INPP5D: variants seen among roughly 807,000 people sequenced by gnomAD.
INPP5D encodes the protein phosphatidylinositol 3,4,5-trisphosphate 5-phosphatase 1.
A neutral mutation model predicts 122.9 loss-of-function variants in INPP5D; 33 were observed. The observed-to-expected ratio is 0.27, with a 90% CI of 0.20 to 0.36. The LOEUF (loss-of-function observed/expected upper bound fraction) is 0.36. Among genes scored for constraint, INPP5D ranks in the 10% least tolerant of loss-of-function variants. The pLI is 1.00. For synonymous variants in INPP5D, 584 were observed against 576.2 expected (o/e 1.01, Z -0.19); for missense variants, 1,053 against 1,412.7 (o/e 0.75, Z 4.08).
At chr2:233,167,849 C>T (rs1323646822) in intron 13 of INPP5D, among the ~76,000 whole-genome samples, 12 of 151,680 alleles carry the variant, frequency 7.9e-5, no homozygotes, top group Admixed American at 7.9e-4. Flanking sequence ...TACTAAAATA[C>T]AAAAAATTAG....
chr2:233,143,041 C>A (rs966924031), intron 6 of INPP5D, among the ~76,000 whole-genome samples: 1 of 152,178 alleles, frequency 6.6e-6, no homozygotes, highest in Non-Finnish European at 1.5e-5. Flanking sequence ...GGCTAGCCCC[C>A]AATTCACATC....
rs1179364313 is a variant in INPP5D at position 233,130,535 on chromosome 2, C to G, written c.552C>G (p.Ile184Met). Residue 184 changes from isoleucine to methionine, a missense_variant, in exon 5 of 27, where the codon ATC becomes ATG. Transcript: ENST00000445964. The stretch of plus-strand genomic sequence containing the variant: ...TTCCAGAAGAGCATCTTAAGGCCAT[C>G]CAAGATTATTTAAGCACTCAGCTCG... The part of the protein sequence containing the change: ...SGLPEEHLKA[I>M]QDYLSTQLAQ... 3 of 1,613,856 alleles carry G rather than the reference C, an allele frequency of 1.9e-6. No individual in the cohort carries two copies. Among genetic ancestry groups the G allele is most frequent in the Non-Finnish European group, 2.5e-6 (3 of 1,179,908 alleles).
intron 11 of INPP5D, 84 bp from the exon 12 acceptor site, chr2:233,163,623 A>T: frequency 1.3e-6 from 2 of 1,594,304 alleles, no homozygotes; most frequent in South Asian, 2.3e-5. Context: ...CCTCCCTCAC[A>T]CTCCCGCCCT....
intron 9 of INPP5D, among the ~76,000 whole-genome samples, chr2:233,148,639 C>T (rs1026200357): frequency 3.3e-5 from 5 of 152,260 alleles, no homozygotes; most frequent in Admixed American, 6.5e-5. Context: ...AGAGGGCTGA[C>T]GAAAGCATGA....
At chr2:233,143,982 G>T (rs1240938272) in intron 6 of INPP5D, among the ~76,000 whole-genome samples, 1 of 144,262 alleles carries the variant, frequency 6.9e-6, no homozygotes, top group Non-Finnish European at 1.5e-5. Flanking sequence ...TGGTGGTAGT[G>T]ATGGTGATGG....
intron 18 of INPP5D, among the ~76,000 whole-genome samples, chr2:233,180,831 G>A (rs1441878296): frequency 2.0e-5 from 3 of 148,052 alleles, no homozygotes; most frequent in African/African-American, 5.1e-5. Context: ...CCACCACCAT[G>A]CCCAGCTAAT....
chr2:233,060,459 C>T lies in INPP5D; in HGVS notation c.-20C>T, dbSNP rs748130386. On this transcript the variant is annotated 5_prime_UTR_variant, in exon 1 of 27. Coordinates refer to ENST00000445964, the MANE Select transcript of INPP5D (RefSeq NM_001017915.3). ...TCCTGGGGGTGCCTGCCGGCCCGGC[C>T]GAGGAGGCCCACGCCCACCATGGTC... The T allele has an allele frequency of 2.3e-5, 36 of 1,586,020 alleles. No individual in the cohort carries two copies. The highest frequency in any genetic ancestry group is 1.5e-4 in the South Asian group (13 of 88,330).
chr2:233,170,243 C>G lies in INPP5D; in HGVS notation c.1791+79C>G. On this transcript the variant is annotated intron_variant, in intron 15 of 26. Transcript: ENST00000445964. This position sits in a 1 kb window ranked among gnomAD's most constrained non-coding sequence, Gnocchi z 4.5. ...CTTGAGTCAGCTTGGGGCAGGTGGT[C>G]GTGGAGACATGTGAATCAAGTGGGC... is the stretch of plus-strand genomic sequence containing the variant. The G allele has an allele frequency of 1.3e-6, 2 of 1,556,502 alleles. No individual in the cohort carries two copies. The highest frequency in any genetic ancestry group is 2.4e-5 in the East Asian group (1 of 41,778).
intron 1 of INPP5D, among the ~76,000 whole-genome samples, chr2:233,061,491 G>A (rs4973063): frequency 0.39 from 59,011 of 151,852 alleles, 12,502 homozygotes; most frequent in East Asian, 0.6. Flanking sequence ...TCAGGGAAAT[G>A]TGTGTCCACC....
chr2:233,084,123 C>T (rs911117256), intron 2 of INPP5D, among the ~76,000 whole-genome samples: 10 of 152,188 alleles, frequency 6.6e-5, no homozygotes, highest in African/African-American at 1.4e-4. Context: ...GGCGCGACCT[C>T]GGCTCACTGC....
intron 13 of INPP5D, among the ~76,000 whole-genome samples, chr2:233,166,911 G>C (rs931325362): frequency 1.3e-5 from 2 of 151,960 alleles, no homozygotes; most frequent in Non-Finnish European, 2.9e-5. Context: ...TTGAACCCGA[G>C]AGGTGGAGGT....
intron 18 of INPP5D, among the ~76,000 whole-genome samples, chr2:233,179,918 C>T (rs949442550): frequency 2.6e-5 from 4 of 152,182 alleles, no homozygotes; most frequent in East Asian, 1.9e-4. Context: ...CATTTATTTG[C>T]TCGCGAGTCT....
At chr2:233,090,463 G>A (rs140763869) in intron 2 of INPP5D, among the ~76,000 whole-genome samples, 1 of 152,244 alleles carries the variant, frequency 6.6e-6, no homozygotes, top group East Asian at 1.9e-4. Flanking sequence ...CCATATTTAT[G>A]CCCTTCATGA....
intron 9 of INPP5D, among the ~76,000 whole-genome samples, chr2:233,152,479 T>C (rs1693946819): frequency 6.6e-6 from 1 of 152,138 alleles, no homozygotes; most frequent in Non-Finnish European, 1.5e-5. Context: ...TCAGGAAAGT[T>C]TCATTCAAAT....
chr2:233,121,134 C>CTT lies in INPP5D; in HGVS notation c.199-959_199-958dup, dbSNP rs371416856. On this transcript the variant is annotated intron_variant, in intron 2 of 26. Coordinates refer to ENST00000445964, the MANE Select transcript of INPP5D (RefSeq NM_001017915.3). ...CTTTCTTTCTTTCTTTTTTTTTTTT[C>CTT]TTTTTTTTTTTTTTTGAGACAGGGT... is the stretch of plus-strand genomic sequence containing the variant. Among the ~76,000 whole-genome samples, 285 of 103,380 alleles carry CTT rather than the reference C, an allele frequency of 2.8e-3. 1 individual carries two copies. Among genetic ancestry groups the CTT allele is most frequent in the Non-Finnish European group, 4.5e-3 (237 of 52,088 alleles). The allele number at this position is 103,380 out of a possible 152,430, so 67.8% of individuals were successfully genotyped here.
intron 2 of INPP5D, among the ~76,000 whole-genome samples, chr2:233,085,523 T>C (rs2106216037): frequency 6.6e-6 from 1 of 152,262 alleles, no homozygotes; most frequent in East Asian, 1.9e-4. Flanking sequence ...TCTTTTCCAG[T>C]GTTGTCATTT....
chr2:233,185,716 A>AT, intron 20 of INPP5D, 127 bp from the exon 21 acceptor site: 2 of 169,942 alleles, frequency 1.2e-5, no homozygotes, highest in Non-Finnish European at 1.6e-5. Flanking sequence ...CCCCGAGATA[A>AT]AAAAAAAAAA....
chr2:233,117,712 T>G (rs551294578), intron 2 of INPP5D, among the ~76,000 whole-genome samples: 4 of 152,194 alleles, frequency 2.6e-5, no homozygotes, highest in South Asian at 4.1e-4. Flanking sequence ...ATCTGCCTCC[T>G]GCCGGGACTC....
rs1399893066 is a variant in INPP5D, at chr2:233,100,458, G to A, written c.198+21060G>A. Among the ~76,000 whole-genome samples the A allele has an allele frequency of 1.3e-5, 2 of 152,124 alleles. No homozygotes were observed. Among genetic ancestry groups the A allele is most frequent in the Non-Finnish European group, 2.9e-5 (2 of 68,026 alleles). On this transcript the variant is annotated intron_variant, in intron 2 of 26. Coordinates refer to ENST00000445964, the MANE Select transcript of INPP5D (RefSeq NM_001017915.3). The surrounding 1 kb of genome is among the most constrained non-coding windows in gnomAD (Gnocchi z 5.3). ...ATCTAGCCTCTTGCCTGGGGTGGAC[G>A]TCAAGCTCACTACACTGTAAACTCC...
Sources: gnomAD v4.1 joint callset for allele counts (sites outside exome capture counted in the v4.1 genomes callset) on GRCh38, gnomAD v4.1.1 for gene constraint, Gnocchi (gnomAD v3.1) non-coding constraint, MANE v1.5 for transcripts, NCBI Gene and HGNC (gene_info 2026-07-23, HGNC 2026-07-21) for gene names.